The following MSRA variants were observed in gnomAD, a reference collection of about 807,000 sequenced individuals.
MSRA encodes the protein methionine sulfoxide reductase A.
In MSRA, 54 loss-of-function variants were observed where a neutral mutation model predicts 31.3. That is an observed-to-expected ratio of 1.73 (90% CI 1.39 to 2.17). MSRA has a LOEUF of 2.17. Ranked by LOEUF, MSRA falls within the 30% of genes most tolerant of loss-of-function variation. The pLI is 0.00. For missense variants in MSRA, 507 were observed against 300.9 expected (o/e 1.69, Z -5.07); for synonymous variants, 169 against 116.5 (o/e 1.45, Z -2.90).
At chr8:10,229,879 G>GTTT (rs1373142621) in intron 2 of MSRA, among the ~76,000 whole-genome samples, 1 of 152,134 alleles carries the variant, frequency 6.6e-6, no homozygotes, top group East Asian at 1.9e-4. Flanking sequence ...TTCTTTCTGT[G>GTTT]TTTGACTCTG....
At chr8:10,083,568 T>C (rs1251153194) in intron 1 of MSRA, among the ~76,000 whole-genome samples, 2 of 152,242 alleles carry the variant, frequency 1.3e-5, no homozygotes, top group African/African-American at 4.8e-5. Flanking sequence ...CAGTGTCTAA[T>C]TTTTCTGCTT....
intron 4 of MSRA, among the ~76,000 whole-genome samples, chr8:10,317,078 G>T (rs1257841527): frequency 6.6e-6 from 1 of 152,164 alleles, no homozygotes; most frequent in Non-Finnish European, 1.5e-5. Context: ...GGTCATGCTA[G>T]TAGGAGTCAC....
intron 4 of MSRA, among the ~76,000 whole-genome samples, chr8:10,308,656 C>A (rs566102974): frequency 6.6e-6 from 1 of 152,228 alleles, no homozygotes; most frequent in Non-Finnish European, 1.5e-5. Flanking sequence ...TTGGCTCATA[C>A]CACAGTTCTC....
chr8:10,361,927 C>T (rs933329236), intron 5 of MSRA, among the ~76,000 whole-genome samples: 2 of 152,184 alleles, frequency 1.3e-5, no homozygotes, highest in Admixed American at 6.5e-5. Flanking sequence ...TCTTCCCCCT[C>T]ATTTCCTGGA....
intron 5 of MSRA, among the ~76,000 whole-genome samples, chr8:10,335,985 A>G (rs986216269): frequency 2.6e-5 from 4 of 152,052 alleles, no homozygotes; most frequent in African/African-American, 9.7e-5. Flanking sequence ...TGCTCTTTCC[A>G]TTCTGTCACT....
chr8:10,357,207 T>A (rs1203587589), intron 5 of MSRA, among the ~76,000 whole-genome samples: 1 of 152,190 alleles, frequency 6.6e-6, no homozygotes, highest in African/African-American at 2.4e-5. Flanking sequence ...TTACTGAGAG[T>A]TGCAAAATCG....
intron 1 of MSRA, among the ~76,000 whole-genome samples, chr8:10,115,710 C>T (rs957467516): frequency 4.6e-5 from 7 of 152,032 alleles, no homozygotes. Flanking sequence ...AAGGAGGGCC[C>T]ACGGATCTGC....
intron 5 of MSRA, among the ~76,000 whole-genome samples, chr8:10,414,392 A>G (rs886673394): frequency 6.6e-6 from 1 of 152,222 alleles, no homozygotes; most frequent in African/African-American, 2.4e-5. Flanking sequence ...CTTACTTAAC[A>G]GAAACAAATG....
rs368183099 is a variant in MSRA, at chr8:10,414,062, G to A, written c.544-14086G>A. Among the ~76,000 whole-genome samples the A allele has an allele frequency of 5.9e-5, 9 of 152,282 alleles. No homozygotes were observed. The East Asian group carries it at 1.3e-3, about 23-fold the overall frequency. On this transcript the variant is annotated intron_variant, in intron 5 of 5. Transcript: ENST00000317173. ...TGCTCCTGTAGTCCCTGCTACTTGCGAGGTTGAGACAAGAGGATCGCTTGA... is the reference window on the plus strand; with the variant it reads ...TGCTCCTGTAGTCCCTGCTACTTGCAAGGTTGAGACAAGAGGATCGCTTGA...
At chr8:10,336,027 A>G (rs1315492616) in intron 5 of MSRA, among the ~76,000 whole-genome samples, 3 of 151,984 alleles carry the variant, frequency 2.0e-5, no homozygotes, top group Admixed American at 6.6e-5. Flanking sequence ...GACATGTCAC[A>G]CCCTCACAGA....
Position 10,086,107 on chromosome 8 carries a change from C to G in MSRA, c.142+31449C>G, listed in dbSNP as rs554928408. On this transcript the variant is annotated intron_variant, in intron 1 of 5. Transcript: ENST00000317173. ...TAACTGGTTCCTATGATCAGTGTAA[C>G]TTTTTAAGAAACTGCTAAACTGTTT... Among the ~76,000 whole-genome samples the G allele has an allele frequency of 3.3e-5, 5 of 152,256 alleles. No homozygotes were observed. In the East Asian group the frequency reaches 9.7e-4, roughly 29 times the overall value.
chr8:10,351,774 C>T (rs751798223), intron 5 of MSRA, among the ~76,000 whole-genome samples: 7 of 152,254 alleles, frequency 4.6e-5, no homozygotes, highest in East Asian at 1.9e-4. Context: ...TCATGTTCAC[C>T]GAAGTCACCT....
rs138706169 is a variant in MSRA at position 10,428,384 on chromosome 8, A to G, written c.*72A>G. 57 of 1,493,670 alleles carry G rather than the reference A, an allele frequency of 3.8e-5. No homozygotes were observed. The highest frequency in any genetic ancestry group is 5.2e-5 in the Non-Finnish European group (56 of 1,086,550). The allele number at this position is 1,493,670 out of a possible 1,614,324, so 92.5% of individuals were successfully genotyped here. A position where few individuals can be genotyped will look rare whatever the true frequency, so the allele number is the denominator to read the frequency against. On this transcript the variant is annotated 3_prime_UTR_variant, in exon 6 of 6. Transcript: ENST00000317173. ...CAACAAATTGGGCAATGCTTGTGTG[A>G]TTCACAATCGTGGCATTTAAAGTGC...
At chr8:10,274,760 C>T (rs551088047) in intron 3 of MSRA, among the ~76,000 whole-genome samples, 1 of 152,152 alleles carries the variant, frequency 6.6e-6, no homozygotes, top group East Asian at 1.9e-4. Flanking sequence ...CACCCATCCA[C>T]CATCATCCAT....
chr8:10,276,253 C>A (rs1388954384), intron 3 of MSRA, among the ~76,000 whole-genome samples: 2 of 152,176 alleles, frequency 1.3e-5, no homozygotes, highest in Non-Finnish European at 2.9e-5. Context: ...GCTCAGTGGC[C>A]GAGCACATGG....
chr8:10,198,289 C>G (rs555604852), intron 1 of MSRA, among the ~76,000 whole-genome samples: 4 of 150,136 alleles, frequency 2.7e-5, no homozygotes, highest in African/African-American at 9.9e-5. Context: ...TGACTTTGTT[C>G]TTTACTTGAG....
intron 1 of MSRA, among the ~76,000 whole-genome samples, chr8:10,160,252 T>G (rs1039351381): frequency 6.6e-6 from 1 of 152,072 alleles, no homozygotes; most frequent in Admixed American, 6.6e-5. Context: ...CTCAGCACTT[T>G]GGGAGGCTGA....
intron 1 of MSRA, among the ~76,000 whole-genome samples, chr8:10,122,359 G>A (rs1303002461): frequency 2.0e-5 from 3 of 152,216 alleles, no homozygotes; most frequent in Non-Finnish European, 2.9e-5. Context: ...GGAGCTGAGT[G>A]TGGAAGCTGT....
At chr8:10,285,833 T>A (rs1181385787) in intron 3 of MSRA, among the ~76,000 whole-genome samples, 6 of 152,216 alleles carry the variant, frequency 3.9e-5, no homozygotes, top group Non-Finnish European at 8.8e-5. Flanking sequence ...GTTCTTTTTT[T>A]AAAACAAAAT....
Sources: allele counts gnomAD v4.1 joint callset (sites outside exome capture counted in the v4.1 genomes callset), GRCh38; gene constraint gnomAD v4.1.1; transcripts MANE v1.5; gene names NCBI Gene and HGNC (gene_info 2026-07-23, HGNC 2026-07-21).